Variants in RARS2 observed in about 807,000 individuals in gnomAD.
RARS2 encodes probable arginine--tRNA ligase, mitochondrial.
Under a neutral mutation model 88.5 loss-of-function variants are expected in RARS2, and 67 were observed. The observed-to-expected ratio is 0.76, with a 90% confidence interval of 0.62 to 0.93. The LOEUF is 0.93. RARS2 is among the 40% of genes least tolerant of loss of function. RARS2 has a pLI of 0.00. For missense variants in RARS2, 664 were observed against 684.2 expected, an observed-to-expected ratio of 0.97 and a Z score of 0.33; for synonymous variants, 239 against 230.3, an observed-to-expected ratio of 1.04 and a Z score of -0.34.
intron 3 of RARS2, among the ~76,000 whole-genome samples, chr6:87,563,266 C>G (rs1386050113): frequency 2.0e-5 from 3 of 152,182 alleles, no homozygotes; most frequent in Non-Finnish European, 2.9e-5. Context: ...GAAGCCATCT[C>G]ATGAAAAACC....
chr6:87,546,420 G>GT (rs200724435), intron 6 of RARS2, among the ~76,000 whole-genome samples: 2,251 of 152,232 alleles, frequency 0.015, 35 homozygotes, highest in Non-Finnish European at 0.022. Context: ...TGGGGGCTGT[G>GT]TTTTTTTGTG....
intron 1 of RARS2, among the ~76,000 whole-genome samples, chr6:87,581,083 T>C (rs1773347487): frequency 6.6e-6 from 1 of 152,160 alleles, no homozygotes; most frequent in Non-Finnish European, 1.5e-5. Context: ...ATATGATTCT[T>C]ACCGCTAGTA....
intron 11 of RARS2, among the ~76,000 whole-genome samples, chr6:87,523,835 T>C (rs1242134191): frequency 6.6e-6 from 1 of 152,204 alleles, no homozygotes; most frequent in African/African-American, 2.4e-5. Flanking sequence ...ACTTTTCTAA[T>C]ATATATATTT....
chr6:87,583,868 C>T (rs1774338305), intron 1 of RARS2, among the ~76,000 whole-genome samples: 1 of 152,070 alleles, frequency 6.6e-6, no homozygotes, highest in South Asian at 2.1e-4. Flanking sequence ...AATAAGGATA[C>T]AATACAAATA....
At chr6:87,520,764 G>C (rs73752039) in intron 12 of RARS2, among the ~76,000 whole-genome samples, 2,624 of 152,224 alleles carry the variant, frequency 0.017, 72 homozygotes, top group African/African-American at 0.058. Context: ...GGTTACATAT[G>C]GTATAATTCC....
chr6:87,555,871 T>C (rs62417689), intron 4 of RARS2, among the ~76,000 whole-genome samples: 13,061 of 152,260 alleles, frequency 0.086, 892 homozygotes, highest in African/African-American at 0.19. Context: ...TTAACACTTA[T>C]TGAGTTCATA....
At chr6:87,524,066 A>G (rs1774880691) in intron 11 of RARS2, among the ~76,000 whole-genome samples, 2 of 152,226 alleles carry the variant, frequency 1.3e-5, no homozygotes, top group Admixed American at 1.3e-4. Context: ...TTTGTGTTAC[A>G]AAAGTGATTT....
At position 87,530,817 on chromosome 6, in the gene RARS2, G is replaced by A; in HGVS notation, c.738C>T (p.Asp246=). The A allele has an allele frequency of 1.2e-6, 2 of 1,614,146 alleles. No individual in the cohort carries two copies. The highest frequency in any genetic ancestry group is 1.7e-6 in the Non-Finnish European group (2 of 1,180,006). Residue 246 remains aspartate (D), a synonymous_variant, in exon 9 of 20, where the codon GAC becomes GAT. Coordinates refer to ENST00000369536, the MANE Select transcript of RARS2 (RefSeq NM_020320.5). ...CCCGAATGTACTCTTCAATGCTCAA[G>A]TCCCGAAATTTTTGCCACAGTGAAA... The part of the protein sequence containing the change: ...QALSLWQKFR[D]LSIEEYIRVY...
intron 8 of RARS2, among the ~76,000 whole-genome samples, chr6:87,532,238 G>C (rs1425865976): frequency 5.3e-5 from 8 of 152,032 alleles, no homozygotes; most frequent in Non-Finnish European, 1.0e-4. Flanking sequence ...CTAGAAAAGA[G>C]TTAACTAGCA....
chr6:87,572,831 C>CT (rs1182041928), intron 1 of RARS2, among the ~76,000 whole-genome samples: 2 of 152,112 alleles, frequency 1.3e-5, no homozygotes, highest in African/African-American at 2.4e-5. Context: ...CCAGAAAACT[C>CT]TAAGCTCAAG....
intron 7 of RARS2, 112 bp downstream of exon 7, chr6:87,545,499 AATAGG>A: frequency 3.0e-6 from 4 of 1,346,338 alleles, no homozygotes; most frequent in Non-Finnish European, 3.0e-6. Context: ...AAAAAAAAAA[AATAGG>A]TAGGACATAC....
intron 1 of RARS2, among the ~76,000 whole-genome samples, chr6:87,575,059 C>T (rs1027905296): frequency 4.4e-5 from 5 of 113,424 alleles, no homozygotes. Flanking sequence ...TCCCTAGCAA[C>T]CAGTCATAAG....
chr6:87,588,105 T>C (rs966726908), intron 1 of RARS2, among the ~76,000 whole-genome samples: 4 of 152,074 alleles, frequency 2.6e-5, no homozygotes, highest in African/African-American at 9.7e-5. Flanking sequence ...AACACAGCCT[T>C]TGCAAAACTA....
At chr6:87,548,975 A>T (rs1244641346) in intron 5 of RARS2, among the ~76,000 whole-genome samples, 1 of 152,182 alleles carries the variant, frequency 6.6e-6, no homozygotes, top group African/African-American at 2.4e-5. Context: ...GCACTTTGGG[A>T]GACTGAGATG....
At chr6:87,540,925 T>C (rs1780733309) in intron 8 of RARS2, among the ~76,000 whole-genome samples, 1 of 151,866 alleles carries the variant, frequency 6.6e-6, no homozygotes, top group South Asian at 2.1e-4. Flanking sequence ...GAAATAGACA[T>C]GCTGTCCCCC....
At position 87,514,973 on chromosome 6, in the gene RARS2, G is replaced by A. The variant is rs777389599; in HGVS notation, c.1634C>T (p.Pro545Leu). 6.2e-7 allele frequency: 1 copy of A among 1,612,738 alleles called. No individual in the cohort carries two copies. Among genetic ancestry groups the A allele is most frequent in the Non-Finnish European group, 8.5e-7 (1 of 1,178,794 alleles). ...ATAACGTACCCCAGCCACTTCAGGA[G>A]GACTATCTTTTATTTGTAGTGTTTT... is the stretch of plus-strand genomic sequence containing the variant. ...AHKTLQIKDS[P>L]PEVAGARLHL... Residue 545 changes from proline to leucine, a missense_variant, in exon 19 of 20, where the codon CCT becomes CTT. Pro to Leu is a moderately conservative substitution (Grantham distance 98). Transcript: ENST00000369536.
At chr6:87,518,944 T>C (rs1439287228) in intron 14 of RARS2, 53 bp from the exon 15 acceptor site, 14 of 1,559,254 alleles carry the variant, frequency 9.0e-6, no homozygotes, top group Admixed American at 3.3e-5. Context: ...GTGCCAATCA[T>C]GGATCCAAGT....
intron 12 of RARS2, among the ~76,000 whole-genome samples, chr6:87,520,493 A>G (rs1000121977): frequency 5.3e-5 from 8 of 152,208 alleles, no homozygotes; most frequent in Admixed American, 1.3e-4. Flanking sequence ...GTGAACTTCA[A>G]TCTTCTGAGT....
At chr6:87,563,336 A>C (rs1788451831) in intron 3 of RARS2, among the ~76,000 whole-genome samples, 1 of 152,230 alleles carries the variant, frequency 6.6e-6, no homozygotes, top group African/African-American at 2.4e-5. Flanking sequence ...ATTTTTAAGA[A>C]CTTACAAGAA....
Sources: allele counts gnomAD v4.1 joint callset (sites outside exome capture counted in the v4.1 genomes callset), GRCh38; gene constraint gnomAD v4.1.1; transcripts MANE v1.5; gene names NCBI Gene and HGNC (gene_info 2026-07-23, HGNC 2026-07-21).